SRGAP3: variants seen among roughly 807,000 people sequenced by gnomAD.
SRGAP3 encodes the protein SLIT-ROBO Rho GTPase activating protein 3.
Under a neutral mutation model 121.1 loss-of-function variants are expected in SRGAP3, and 39 were observed. The observed-to-expected ratio is 0.32, with a 90% CI of 0.25 to 0.42. The LOEUF (loss-of-function observed/expected upper bound fraction) is 0.42, where lower values mean the gene tolerates loss of function less well. Among genes scored for constraint, SRGAP3 ranks in the 10% least tolerant of loss-of-function variants. The pLI is 1.00. For synonymous variants in SRGAP3, 601 were observed against 570.0 expected (o/e 1.05, Z -0.77); for missense variants, 1,213 against 1,470.6 (o/e 0.82, Z 2.86).
At chr3:9,320,053 A>G (rs1041924090) in intron 3 of SRGAP3, among the ~76,000 whole-genome samples, 12 of 151,918 alleles carry the variant, frequency 7.9e-5, no homozygotes, top group African/African-American at 2.4e-4. Context: ...TCCCTGTCAC[A>G]TGGATTGGCT....
chr3:8,988,525 T>C (rs1339486481), intron 21 of SRGAP3, among the ~76,000 whole-genome samples: 3 of 152,108 alleles, frequency 2.0e-5, no homozygotes, highest in African/African-American at 7.3e-5. Flanking sequence ...CAGATCCATC[T>C]GCAAACTGAG....
intron 9 of SRGAP3, chr3:9,049,591 TC>T (rs1945461583): frequency 6.9e-6 from 3 of 432,318 alleles, no homozygotes; most frequent in Non-Finnish European, 1.4e-5. Flanking sequence ...ACTCAGTGTT[TC>T]TCCAAGTGTG....
intron 3 of SRGAP3, among the ~76,000 whole-genome samples, chr3:9,306,528 T>C (rs1437393905): frequency 1.3e-5 from 2 of 152,252 alleles, no homozygotes; most frequent in Non-Finnish European, 2.9e-5. Context: ...GGTTTTCTTC[T>C]AGGGTTTTTA....
At chr3:9,021,302 C>T (rs1229130354) in intron 14 of SRGAP3, among the ~76,000 whole-genome samples, 1 of 152,232 alleles carries the variant, frequency 6.6e-6, no homozygotes, top group Admixed American at 6.5e-5. Flanking sequence ...GGAGAGACCT[C>T]AGCACTCCCA....
At chr3:9,064,728 CT>C in intron 4 of SRGAP3, 147 bp from the exon 5 acceptor site, 3 of 804,244 alleles carry the variant, frequency 3.7e-6, no homozygotes, top group Middle Eastern at 7.4e-4. Context: ...CCTTCCTTTA[CT>C]TTTGCACAGA....
rs564866616 is a variant in SRGAP3 at position 8,995,067 on chromosome 3, C to G, written c.2228-544G>C. 1.6e-4 allele frequency among the ~76,000 whole-genome samples: 24 copies of G among 152,192 alleles called. No individual in the cohort carries two copies. In the South Asian group the frequency reaches 3.3e-3, roughly 21 times the overall value. ...TGCCTCAAATCTATATGTTGAAGCC[C>G]TCACCCACAACGTGACTGTATTTTA... On this transcript the variant is annotated intron_variant, in intron 18 of 21. Coordinates refer to ENST00000383836, the MANE Select transcript of SRGAP3 (RefSeq NM_014850.4).
At chr3:9,289,295 C>T (rs1954833580) in intron 3 of SRGAP3, among the ~76,000 whole-genome samples, 1 of 152,194 alleles carries the variant, frequency 6.6e-6, no homozygotes, top group Non-Finnish European at 1.5e-5. Flanking sequence ...GATAATTATA[C>T]CATCTGCAGT....
chr3:8,992,125 T>C (rs1044607334), intron 20 of SRGAP3, among the ~76,000 whole-genome samples: 2 of 152,216 alleles, frequency 1.3e-5, no homozygotes, highest in African/African-American at 2.4e-5. Context: ...ATAAATTGTG[T>C]GTTCCCACTG....
At chr3:8,987,784 A>C (rs1169249187) in intron 21 of SRGAP3, among the ~76,000 whole-genome samples, 7 of 152,088 alleles carry the variant, frequency 4.6e-5, no homozygotes, top group Non-Finnish European at 1.0e-4. Flanking sequence ...CTGTGGGGGC[A>C]ATTTTCTGCA....
chr3:9,279,058 G>C (rs565531548), intron 3 of SRGAP3, among the ~76,000 whole-genome samples: 1 of 152,060 alleles, frequency 6.6e-6, no homozygotes, highest in Non-Finnish European at 1.5e-5. Context: ...AGAATCGCTT[G>C]AGCCTGGGAG....
At chr3:9,319,902 C>G (rs543448727) in intron 3 of SRGAP3, among the ~76,000 whole-genome samples, 1 of 151,982 alleles carries the variant, frequency 6.6e-6, no homozygotes, top group African/African-American at 2.4e-5. Flanking sequence ...AGAGAAAGCC[C>G]CGAGTCAAAA....
intron 1 of SRGAP3, among the ~76,000 whole-genome samples, chr3:9,236,588 C>T (rs10470710): frequency 1.3e-5 from 2 of 152,010 alleles, no homozygotes; most frequent in Admixed American, 1.3e-4. Context: ...TTCCCCCCCC[C>T]TCTTCTTCCT....
At chr3:9,201,394 G>A (rs112361005) in intron 1 of SRGAP3, among the ~76,000 whole-genome samples, 86 of 152,336 alleles carry the variant, frequency 5.6e-4, no homozygotes, top group African/African-American at 1.9e-3. Flanking sequence ...GTGGTTCCAG[G>A]AGAAAATGAA....
Position 9,228,725 on chromosome 3 carries a change from C to T in SRGAP3, c.67+20160G>A, listed in dbSNP as rs1953082564. 2.0e-5 allele frequency among the ~76,000 whole-genome samples: 3 copies of T among 152,188 alleles called. No homozygotes were observed. The South Asian group carries it at 6.2e-4, about 32-fold the overall frequency. On this transcript the variant is annotated intron_variant, in intron 1 of 21. Transcript: ENST00000383836. Reference sequence around the variant, plus strand: ...TTGGGGGCAACAGAAGAAAGATCAACAAGGTAGAAGAAGGAGGGTGATGTT... The same window carrying T: ...TTGGGGGCAACAGAAGAAAGATCAATAAGGTAGAAGAAGGAGGGTGATGTT...
At chr3:9,213,050 T>C (rs1376696207) in intron 1 of SRGAP3, among the ~76,000 whole-genome samples, 2 of 152,162 alleles carry the variant, frequency 1.3e-5, no homozygotes, top group African/African-American at 2.4e-5. Flanking sequence ...AAACTTCCCC[T>C]GGATTTGGGG....
chr3:9,045,531 A>G (rs1198399968), intron 10 of SRGAP3, among the ~76,000 whole-genome samples: 1 of 151,924 alleles, frequency 6.6e-6, no homozygotes, highest in African/African-American at 2.4e-5. Flanking sequence ...GATGATGATG[A>G]TGATGATTGA....
At chr3:9,083,926 G>A (rs1222402021) in intron 3 of SRGAP3, among the ~76,000 whole-genome samples, 1 of 152,048 alleles carries the variant, frequency 6.6e-6, no homozygotes, top group Non-Finnish European at 1.5e-5. Flanking sequence ...CAAGCTCAAA[G>A]ACCTGTATCC....
At chr3:9,192,357 A>G (rs1232324104) in intron 1 of SRGAP3, 4 of 152,248 alleles carry the variant, frequency 2.6e-5, no homozygotes, top group African/African-American at 9.6e-5. Context: ...GTCCCAGCCC[A>G]TGCTGTATCG....
At chr3:9,116,506 C>T (rs1328415328) in intron 2 of SRGAP3, among the ~76,000 whole-genome samples, 3 of 152,124 alleles carry the variant, frequency 2.0e-5, no homozygotes, top group Non-Finnish European at 2.9e-5. Context: ...TGATGCAAGC[C>T]CCACACAACT....
Sources: allele counts gnomAD v4.1 joint callset (sites outside exome capture counted in the v4.1 genomes callset), GRCh38; gene constraint gnomAD v4.1.1; transcripts MANE v1.5; gene names NCBI Gene and HGNC (gene_info 2026-07-23, HGNC 2026-07-21).